USP34: variants seen among roughly 807,000 people sequenced by gnomAD.
The protein encoded by USP34 is ubiquitin carboxyl-terminal hydrolase 34.
A neutral mutation model predicts 460.3 loss-of-function variants in USP34; 70 were observed. That is an observed-to-expected ratio of 0.15 (90% CI 0.13 to 0.19). The LOEUF (loss-of-function observed/expected upper bound fraction) is 0.19. Among genes scored for constraint, USP34 ranks in the 10% least tolerant of loss-of-function variants. USP34 has a pLI of 1.00. For missense variants in USP34, 3,985 were observed against 4,236.2 expected (o/e 0.94, Z 1.65); for synonymous variants, 1,647 against 1,405.3 (o/e 1.17, Z -3.85).
intron 1 of USP34, among the ~76,000 whole-genome samples, chr2:61,429,766 T>C (rs1443876561): frequency 6.6e-6 from 1 of 152,154 alleles, no homozygotes; most frequent in Non-Finnish European, 1.5e-5. Context: ...AAGTAGTACA[T>C]AAAGTTTATT....
intron 43 of USP34, among the ~76,000 whole-genome samples, chr2:61,262,719 G>C (rs762055887): frequency 1.3e-5 from 2 of 152,130 alleles, no homozygotes; most frequent in Non-Finnish European, 2.9e-5. Flanking sequence ...TAGCTGAGCC[G>C]AATAGTAATT....
At chr2:61,347,747 T>C (rs1475882692) in intron 15 of USP34, 123 bp downstream of exon 15, 1 of 1,457,562 alleles carries the variant, frequency 6.9e-7, no homozygotes, top group Non-Finnish European at 9.1e-7. Flanking sequence ...TAGCTTACAT[T>C]TATAGTTTGC....
At chr2:61,319,456 T>A (rs1427081676) in intron 21 of USP34, 129 bp from the exon 22 acceptor site, 3 of 500,506 alleles carry the variant, frequency 6.0e-6, no homozygotes, top group Non-Finnish European at 9.8e-6. Context: ...CAATTTTAAT[T>A]GAAATGATGC....
At chr2:61,263,265 C>T (rs1688949583) in intron 43 of USP34, among the ~76,000 whole-genome samples, 1 of 150,086 alleles carries the variant, frequency 6.7e-6, no homozygotes, top group Non-Finnish European at 1.5e-5. Flanking sequence ...ACTGCAACCT[C>T]TGCCTCCCGG....
At chr2:61,281,604 C>G (rs564317747) in intron 37 of USP34, among the ~76,000 whole-genome samples, 1 of 152,026 alleles carries the variant, frequency 6.6e-6, no homozygotes, top group African/African-American at 2.4e-5. Flanking sequence ...AAGATTATGC[C>G]TCATAAAAAT....
intron 1 of USP34, among the ~76,000 whole-genome samples, chr2:61,456,366 A>C (rs540402773): frequency 6.6e-6 from 1 of 152,350 alleles, no homozygotes; most frequent in Non-Finnish European, 1.5e-5. Context: ...TCAGGAACAG[A>C]GTCAATAATA....
chr2:61,427,872 G>A (rs1694556708), intron 1 of USP34, among the ~76,000 whole-genome samples: 2 of 152,006 alleles, frequency 1.3e-5, no homozygotes, highest in African/African-American at 4.8e-5. Flanking sequence ...AATCTAAAGA[G>A]TTTTTGGTGG....
At chr2:61,190,747 T>A in intron 76 of USP34, 89 bp from the exon 77 acceptor site, 1 of 1,436,092 alleles carries the variant, frequency 7.0e-7, no homozygotes, top group Middle Eastern at 2.6e-4. Flanking sequence ...AACATACACT[T>A]GTGTATGATG....
At position 61,333,951 on chromosome 2, in the gene USP34, C is replaced by T. The variant is rs1367204581; in HGVS notation, c.2765G>A (p.Arg922His). 2.5e-6 allele frequency: 4 copies of T among 1,593,598 alleles called. No individual in the cohort carries two copies. Among genetic ancestry groups the T allele is most frequent in the Non-Finnish European group, 3.4e-6 (4 of 1,169,934 alleles). ...GNNRSVVISL[R>H]LLPKLFGTFQ... The stretch of plus-strand genomic sequence containing the variant: ...AGTACCAAATAGTTTTGGAAGAAGA[C>T]GAAGTGAAATTACTACTGATCTGAA... The change falls in exon 19 of 80, where the codon CGT becomes CAT. Residue 922 changes from arginine to histidine, a missense_variant. This residue lies in a region of USP34 where 46 missense variants were observed against 83.1 expected (regional missense o/e 0.55). Coordinates refer to ENST00000398571, the MANE Select transcript of USP34 (RefSeq NM_014709.4).
At chr2:61,427,873 T>C (rs4672445) in intron 1 of USP34, among the ~76,000 whole-genome samples, 54,426 of 150,998 alleles carry the variant, frequency 0.36, 9,871 homozygotes, top group Admixed American at 0.41. Context: ...ATCTAAAGAG[T>C]TTTTGGTGGC....
intron 67 of USP34, among the ~76,000 whole-genome samples, chr2:61,219,789 A>T (rs1365732629): frequency 6.6e-6 from 1 of 152,156 alleles, no homozygotes; most frequent in Non-Finnish European, 1.5e-5. Context: ...TAAGAAATTT[A>T]AAAATTAAAT....
At position 61,370,575 on chromosome 2, in the gene USP34, T is replaced by C. The variant is rs746239057; in HGVS notation, c.1081A>G (p.Ile361Val). The C allele has an allele frequency of 1.9e-6, 3 of 1,613,568 alleles. No individual in the cohort carries two copies. The highest frequency in any genetic ancestry group is 2.2e-5 in the South Asian group (2 of 90,900). Residue 361 changes from isoleucine (I) to valine (V), a missense_variant, in exon 9 of 80, where the codon ATT (isoleucine) becomes GTT (valine). This residue lies in a region of USP34 where 716 missense variants were observed against 626.2 expected (regional missense o/e 1.14). Transcript: ENST00000398571. ...AGCCAGTCTGCAAGTTCTTTTGCAA[T>C]GGACCTAAAGTCAAGCAATGAAAAT... is the stretch of plus-strand genomic sequence containing the variant. Reference protein sequence around the residue: ...ESLVSDTETSIAKELADWLIS... With the variant: ...ESLVSDTETSVAKELADWLIS...
chr2:61,377,876 G>A (rs563804294), intron 8 of USP34, among the ~76,000 whole-genome samples: 4 of 152,286 alleles, frequency 2.6e-5, no homozygotes, highest in South Asian at 2.1e-4. Context: ...GTTCGCATAC[G>A]CTTTTAAAAG....
At chr2:61,393,078 C>A (rs1009228502) in intron 5 of USP34, among the ~76,000 whole-genome samples, 11 of 152,050 alleles carry the variant, frequency 7.2e-5, no homozygotes, top group Non-Finnish European at 1.6e-4. Context: ...TTTTAAACCT[C>A]AAAACAATCC....
rs1688188852 is a variant in USP34 at position 61,239,698 on chromosome 2, C to CTAA, written c.6777+1861_6777+1862insTTA. 2.0e-5 allele frequency among the ~76,000 whole-genome samples: 3 copies of CTAA among 152,164 alleles called. No individual in the cohort carries two copies. In the South Asian group the frequency reaches 6.2e-4, roughly 32 times the overall value. On this transcript the variant is annotated intron_variant, in intron 53 of 79. Coordinates refer to ENST00000398571, the MANE Select transcript of USP34 (RefSeq NM_014709.4). ...AAAGACAACATTCCTGGCTTTTTAC[C>CTAA]ATTAACACATGTGCAGGCAAGATAC...
At chr2:61,308,929 C>G (rs531030420) in intron 27 of USP34, among the ~76,000 whole-genome samples, 1 of 152,120 alleles carries the variant, frequency 6.6e-6, no homozygotes, top group Non-Finnish European at 1.5e-5. Context: ...GTAGCCCCAG[C>G]TACTCAGGAG....
At chr2:61,468,812 TTAAA>T (rs1695861257) in intron 1 of USP34, among the ~76,000 whole-genome samples, 1 of 152,224 alleles carries the variant, frequency 6.6e-6, no homozygotes, top group Non-Finnish European at 1.5e-5. Context: ...CCAGATAATC[TTAAA>T]TAAGACCTTT....
chr2:61,238,414 C>G (rs1688135114), intron 53 of USP34, among the ~76,000 whole-genome samples: 1 of 152,164 alleles, frequency 6.6e-6, no homozygotes, highest in Admixed American at 6.5e-5. Flanking sequence ...AGGTTAACTT[C>G]CTGAAGCATT....
At chr2:61,419,174 T>C (rs1694286721) in intron 2 of USP34, among the ~76,000 whole-genome samples, 1 of 152,042 alleles carries the variant, frequency 6.6e-6, no homozygotes, top group Non-Finnish European at 1.5e-5. Flanking sequence ...CATGTCTATC[T>C]AGATCCAAGG....
Sources: gnomAD v4.1 joint callset for allele counts (sites outside exome capture counted in the v4.1 genomes callset) on GRCh38, gnomAD v4.1.1 for gene constraint, gnomAD v4.1.1 regional missense constraint, MANE v1.5 for transcripts, NCBI Gene and HGNC (gene_info 2026-07-23, HGNC 2026-07-21) for gene names.